ZFHX3: variants seen among roughly 807,000 people sequenced by gnomAD.
The protein encoded by ZFHX3 is zinc finger homeobox protein 3.
A neutral mutation model predicts 279.1 loss-of-function variants in ZFHX3; 42 were observed. That is an observed-to-expected ratio of 0.15 (90% CI 0.12 to 0.19). The LOEUF (loss-of-function observed/expected upper bound fraction) is 0.19. Ranked by LOEUF, ZFHX3 falls within the 10% of genes least tolerant of loss-of-function variation. The probability of loss-of-function intolerance (pLI) is 1.00; values close to 1 mark genes in which losing one functional copy is unlikely to be tolerated. For missense variants in ZFHX3, 4,981 were observed against 4,754.0 expected (o/e 1.05, Z -1.40); for synonymous variants, 2,293 against 1,957.8 (o/e 1.17, Z -4.52).
chr16:73,187,142 T>TCACACACACA (rs1491472382), intron 5 of ZFHX3, among the ~76,000 whole-genome samples: 8 of 87,884 alleles, frequency 9.1e-5, no homozygotes, highest in East Asian at 7.0e-4. Flanking sequence ...AAGTTGTATG[T>TCACACACACA]CTCACACACA....
rs956449209 is a variant in ZFHX3 at position 73,354,130 on chromosome 16, A to G, written c.-1290-35794T>C. ...CCAGTTCAATCTGAATTCCAAAGAA[A>G]CCCCAGATCATCTGGCACGCACTTA... is the stretch of plus-strand genomic sequence containing the variant. On this transcript the variant is annotated intron_variant, in intron 3 of 17. Transcript: ENST00000641206. 7.2e-5 allele frequency among the ~76,000 whole-genome samples: 11 copies of G among 152,114 alleles called. 1 individual carries two copies. The highest frequency in any genetic ancestry group is 1.4e-4 in the African/African-American group (6 of 41,424).
chr16:73,721,787 G>A (rs186635420), intron 1 of ZFHX3, among the ~76,000 whole-genome samples: 29 of 152,334 alleles, frequency 1.9e-4, no homozygotes, highest in African/African-American at 6.5e-4. Context: ...GCTCACACTG[G>A]TTATCCCAGC....
At chr16:73,260,680 GTTTTTT>G (rs370384540) in intron 4 of ZFHX3, among the ~76,000 whole-genome samples, 17 of 88,408 alleles carry the variant, frequency 1.9e-4, no homozygotes, top group African/African-American at 7.2e-4. Flanking sequence ...CACCTATCTG[GTTTTTT>G]TTTTTTTTTT....
chr16:73,463,006 GTCAGAATTCT>G (rs889954187), intron 2 of ZFHX3, among the ~76,000 whole-genome samples: 10 of 152,098 alleles, frequency 6.6e-5, no homozygotes, highest in Non-Finnish European at 1.3e-4. Context: ...TTATATGTTT[GTCAGAATTCT>G]TCAGTGACTT....
At chr16:73,005,337 A>G (rs1963663807) in intron 1 of ZFHX3, among the ~76,000 whole-genome samples, 1 of 151,922 alleles carries the variant, frequency 6.6e-6, no homozygotes, top group African/African-American at 2.4e-5. Context: ...TCTACTAAAA[A>G]TACAAAAATT....
intron 1 of ZFHX3, among the ~76,000 whole-genome samples, chr16:73,702,512 T>C (rs1288484831): frequency 6.6e-6 from 1 of 152,148 alleles, no homozygotes; most frequent in African/African-American, 2.4e-5. Flanking sequence ...TGACATACTC[T>C]TTAAGCCCAA....
intron 3 of ZFHX3, among the ~76,000 whole-genome samples, chr16:73,335,761 C>A (rs1014672418): frequency 2.0e-5 from 3 of 152,200 alleles, no homozygotes; most frequent in African/African-American, 7.2e-5. Context: ...TGGGGGAAGG[C>A]ACAGAGTCCC....
intron 2 of ZFHX3, among the ~76,000 whole-genome samples, chr16:73,531,836 C>A (rs1450970670): frequency 6.6e-6 from 1 of 151,532 alleles, no homozygotes; most frequent in Non-Finnish European, 1.5e-5. Context: ...TACCTGTAAT[C>A]CCAGCATGTT....
intron 9 of ZFHX3, chr16:72,790,047 C>G (rs2035630011): frequency 6.6e-6 from 1 of 152,440 alleles, no homozygotes; most frequent in Non-Finnish European, 1.5e-5. Flanking sequence ...AATCTACCAC[C>G]ACTCCCTGCA....
At chr16:73,419,546 G>T (rs2017673566) in intron 3 of ZFHX3, among the ~76,000 whole-genome samples, 1 of 151,996 alleles carries the variant, frequency 6.6e-6, no homozygotes, top group Non-Finnish European at 1.5e-5. Flanking sequence ...TTTACGTAAG[G>T]CTGGGGCTCT....
chr16:73,682,314 T>C (rs982507441), intron 1 of ZFHX3, among the ~76,000 whole-genome samples: 2 of 152,136 alleles, frequency 1.3e-5, no homozygotes, highest in African/African-American at 2.4e-5. Context: ...ATTTTGACAA[T>C]AAAATACATT....
chr16:73,281,607 T>C (rs530604810), intron 4 of ZFHX3, among the ~76,000 whole-genome samples: 2 of 152,270 alleles, frequency 1.3e-5, no homozygotes, highest in South Asian at 4.1e-4. Context: ...AGGGTACATC[T>C]TACGTTAAGT....
chr16:73,552,671 G>T (rs1297617804), intron 2 of ZFHX3, among the ~76,000 whole-genome samples: 1 of 152,062 alleles, frequency 6.6e-6, no homozygotes, highest in Admixed American at 6.6e-5. Context: ...AATTTTCTCT[G>T]AACTCTGTTC....
chr16:72,808,457 T>C (rs1033956996), intron 7 of ZFHX3, among the ~76,000 whole-genome samples: 2 of 152,208 alleles, frequency 1.3e-5, no homozygotes, highest in African/African-American at 4.8e-5. Flanking sequence ...CATAACTCCA[T>C]GCAAAGAGAA....
chr16:72,928,259 T>C (rs1348614277), intron 3 of ZFHX3, among the ~76,000 whole-genome samples: 2 of 100,108 alleles, frequency 2.0e-5, no homozygotes, highest in Admixed American at 2.0e-4. Flanking sequence ...AAGGGGAAGA[T>C]GGAAAGAGCG....
At chr16:73,189,081 C>G (rs1007626492) in intron 5 of ZFHX3, among the ~76,000 whole-genome samples, 1 of 152,128 alleles carries the variant, frequency 6.6e-6, no homozygotes, top group Non-Finnish European at 1.5e-5. Flanking sequence ...CCAGGCTGGT[C>G]TCGATCTCTT....
intron 1 of ZFHX3, among the ~76,000 whole-genome samples, chr16:73,876,681 A>G (rs1014312309): frequency 6.6e-6 from 1 of 152,246 alleles, no homozygotes; most frequent in East Asian, 1.9e-4. Context: ...GGAATTCATT[A>G]GCATAGGCTT....
At chr16:73,282,142 TA>T (rs1482416457) in intron 4 of ZFHX3, among the ~76,000 whole-genome samples, 2 of 152,236 alleles carry the variant, frequency 1.3e-5, no homozygotes, top group Non-Finnish European at 2.9e-5. Context: ...TTTCCCTTTG[TA>T]TTTTTCCCCC....
chr16:72,987,649 T>A (rs1962905647), intron 1 of ZFHX3, among the ~76,000 whole-genome samples: 1 of 152,074 alleles, frequency 6.6e-6, no homozygotes, highest in South Asian at 2.1e-4. Context: ...CACACAGAAA[T>A]CAGAACACTG....
Sources: allele counts gnomAD v4.1 joint callset (sites outside exome capture counted in the v4.1 genomes callset), GRCh38; gene constraint gnomAD v4.1.1; transcripts MANE v1.5; gene names NCBI Gene and HGNC (gene_info 2026-07-23, HGNC 2026-07-21).